The following UGT1A10 variants were observed in gnomAD, a reference collection of about 807,000 sequenced individuals.
UGT1A10 encodes UDP-glucuronosyltransferase 1A10.
UGT1A10 carries 49 observed loss-of-function variants against 45.8 expected under a neutral mutation model. That is an observed-to-expected ratio of 1.07 (90% CI 0.85 to 1.36). The LOEUF (loss-of-function observed/expected upper bound fraction) is 1.36, where lower values mean the gene tolerates loss of function less well. Ranked by LOEUF, UGT1A10 falls within the 40% of genes most tolerant of loss-of-function variation. The probability of loss-of-function intolerance (pLI) is 0.00; values close to 1 mark genes in which losing one functional copy is unlikely to be tolerated. For missense variants in UGT1A10, 745 were observed against 668.6 expected, an observed-to-expected ratio of 1.11 and a Z score of -1.26; for synonymous variants, 284 against 249.7, an observed-to-expected ratio of 1.14 and a Z score of -1.29.
chr2:233,769,756 A>G lies in UGT1A10; in HGVS notation c.1295+1317A>G. 2 of 1,425,682 alleles carry G rather than the reference A, an allele frequency of 1.4e-6. No individual in the cohort carries two copies. Among genetic ancestry groups the G allele is most frequent in the Non-Finnish European group, 1.8e-6 (2 of 1,086,462 alleles). The allele number at this position is 1,425,682 out of a possible 1,614,324, so 88.3% of individuals were successfully genotyped here. ...TGTAGTCCCAGCCACTCTGGAGGCT[A>G]AGGCGGGAGGATTGCTTGAGCCCAG... On this transcript the variant is annotated intron_variant, in intron 4 of 4. Transcript: ENST00000344644. The surrounding 1 kb of genome is among the most constrained non-coding windows in gnomAD (Gnocchi z 4.4).
chr2:233,754,935 A>G, intron 1 of UGT1A10: 2 of 1,340,028 alleles, frequency 1.5e-6, no homozygotes, highest in Non-Finnish European at 2.0e-6. Context: ...CAAGAGGTCA[A>G]AGGAGAATGG....
chr2:233,682,355 A>T lies in UGT1A10; in HGVS notation c.855+44978A>T, dbSNP rs1273603871. 15 of 1,613,838 alleles carry T rather than the reference A, an allele frequency of 9.3e-6. No homozygotes were observed. Among genetic ancestry groups the T allele is most frequent in the South Asian group, 6.6e-5 (6 of 91,070 alleles). On this transcript the variant is annotated intron_variant, in intron 1 of 4. Coordinates refer to ENST00000344644, the MANE Select transcript of UGT1A10 (RefSeq NM_019075.4). ...AAAATTAGTAGAATACTTAAAGGAGAGTTGTTTTGATGCAGTGTTTCTCGA... is the reference window on the plus strand; with the variant it reads ...AAAATTAGTAGAATACTTAAAGGAGTGTTGTTTTGATGCAGTGTTTCTCGA...
intron 1 of UGT1A10, chr2:233,729,894 G>A (rs2077943725): frequency 1.9e-6 from 3 of 1,613,848 alleles, no homozygotes; most frequent in East Asian, 4.5e-5. Context: ...CTGTGTGGCT[G>A]TTCCGAGGGG....
rs761516231 is a variant in UGT1A10, at chr2:233,693,158, C to T, written c.855+55781C>T. 27 of 1,614,000 alleles carry T rather than the reference C, an allele frequency of 1.7e-5. No individual in the cohort carries two copies. Among genetic ancestry groups the T allele is most frequent in the East Asian group, 1.1e-4 (5 of 44,886 alleles). ...GGATATAGTTGAGGTTCTCAGTGAC[C>T]GGGGTCATGAGATTGTAGTGGTGGT... is the stretch of plus-strand genomic sequence containing the variant. On this transcript the variant is annotated intron_variant, in intron 1 of 4. Coordinates refer to ENST00000344644, the MANE Select transcript of UGT1A10 (RefSeq NM_019075.4).
At chr2:233,678,564 T>C (rs911600844) in intron 1 of UGT1A10, among the ~76,000 whole-genome samples, 10 of 152,200 alleles carry the variant, frequency 6.6e-5, no homozygotes, top group African/African-American at 2.4e-4. Flanking sequence ...TATACAGTAC[T>C]AATCCTTCTT....
At chr2:233,647,816 T>C in intron 1 of UGT1A10, 2 of 859,136 alleles carry the variant, frequency 2.3e-6, no homozygotes, top group Non-Finnish European at 3.4e-6. Flanking sequence ...AGTTAATTGA[T>C]TTGCCCCAAA....
intron 4 of UGT1A10, 143 bp downstream of exon 4, chr2:233,768,582 CTTTTTTT>C (rs139595073): frequency 1.2e-4 from 124 of 1,032,798 alleles, no homozygotes; most frequent in East Asian, 4.8e-4. Context: ...TTTATTTCTT[CTTTTTTT>C]TTTTTTTTTT....
At chr2:233,681,513 A>G (rs892395680) in intron 1 of UGT1A10, among the ~76,000 whole-genome samples, 9 of 143,996 alleles carry the variant, frequency 6.3e-5, no homozygotes, top group African/African-American at 2.1e-4. Flanking sequence ...CCTGGATGAC[A>G]CAGTGAGACT....
intron 1 of UGT1A10, among the ~76,000 whole-genome samples, chr2:233,687,208 T>C (rs573198155): frequency 3.3e-5 from 5 of 152,306 alleles, no homozygotes; most frequent in Non-Finnish European, 5.9e-5. Flanking sequence ...GTGGGTGATA[T>C]GCATTTTCCA....
intron 1 of UGT1A10, among the ~76,000 whole-genome samples, chr2:233,700,907 G>T (rs985233948): frequency 6.6e-6 from 1 of 151,214 alleles, no homozygotes; most frequent in South Asian, 2.1e-4. Flanking sequence ...GGTGTGTGAC[G>T]TTCCTCTTCC....
At chr2:233,689,303 A>G (rs1203200538) in intron 1 of UGT1A10, among the ~76,000 whole-genome samples, 3 of 151,440 alleles carry the variant, frequency 2.0e-5, no homozygotes, top group Non-Finnish European at 4.4e-5. Context: ...CACCCAGCAC[A>G]GTAAGACCAA....
intron 1 of UGT1A10, among the ~76,000 whole-genome samples, chr2:233,670,523 A>G (rs28970008): frequency 0.01 from 1,584 of 152,254 alleles, 41 homozygotes; most frequent in African/African-American, 0.036. Context: ...CCTTTGCCAA[A>G]CTGTTTAATA....
chr2:233,729,726 C>T, intron 1 of UGT1A10: 2 of 1,613,934 alleles, frequency 1.2e-6, no homozygotes, highest in African/African-American at 2.7e-5. Context: ...TACTAACAAC[C>T]AATTCAGACC....
intron 1 of UGT1A10, among the ~76,000 whole-genome samples, chr2:233,656,250 T>C (rs1028223260): frequency 9.9e-5 from 15 of 152,220 alleles, no homozygotes; most frequent in Admixed American, 6.5e-5. Flanking sequence ...TTAGGCCCTA[T>C]ACATCAAAAG....
Position 233,729,571 on chromosome 2 carries a change from G to A in UGT1A10, c.856-37463G>A, listed in dbSNP as rs965988508. The A allele has an allele frequency of 3.7e-6, 6 of 1,613,982 alleles. No individual in the cohort carries two copies. In the African/African-American group the frequency reaches 6.7e-5, roughly 18 times the overall value. ...CCTGAATGCTACTTCCTTTGATGTG[G>A]TTTTAACAGACCCCGTTAACCTCTG... On this transcript the variant is annotated intron_variant, in intron 1 of 4. Transcript: ENST00000344644.
chr2:233,694,920 G>A (rs557079279), intron 1 of UGT1A10, among the ~76,000 whole-genome samples: 1 of 152,304 alleles, frequency 6.6e-6, no homozygotes, highest in South Asian at 2.1e-4. Flanking sequence ...TACAATGTGC[G>A]ATGATCAAAT....
intron 1 of UGT1A10, chr2:233,748,136 T>A: frequency 6.2e-7 from 1 of 1,609,324 alleles, no homozygotes; most frequent in Non-Finnish European, 8.5e-7. Context: ...TTTTAAAAAT[T>A]GTATTTACTT....
At chr2:233,742,142 G>A (rs868040003) in intron 1 of UGT1A10, among the ~76,000 whole-genome samples, 9 of 151,998 alleles carry the variant, frequency 5.9e-5, no homozygotes, top group South Asian at 2.1e-4. Flanking sequence ...ACCCAGCAGC[G>A]CTAGACGAAT....
In UGT1A10 at chr2:233,772,667, T is replaced by A; in HGVS notation, c.*108T>A. 1 of 1,538,078 alleles carries A rather than the reference T, an allele frequency of 6.5e-7. No individual in the cohort carries two copies. Among genetic ancestry groups the A allele is most frequent in the East Asian group, 2.4e-5 (1 of 40,984 alleles). Reference sequence around the variant, plus strand: ...TTTTATTCTTATTAAGGAAATACTTTGCATAAATTAATCAGCCCCAGAGTG... The same window carrying A: ...TTTTATTCTTATTAAGGAAATACTTAGCATAAATTAATCAGCCCCAGAGTG... On this transcript the variant is annotated 3_prime_UTR_variant, in exon 5 of 5. Coordinates refer to ENST00000344644, the MANE Select transcript of UGT1A10 (RefSeq NM_019075.4).
Sources: allele counts gnomAD v4.1 joint callset (sites outside exome capture counted in the v4.1 genomes callset), GRCh38; gene constraint gnomAD v4.1.1; non-coding constraint Gnocchi (gnomAD v3.1); transcripts MANE v1.5; gene names NCBI Gene and HGNC (gene_info 2026-07-23, HGNC 2026-07-21).